UBE2D2: variants seen among roughly 807,000 people sequenced by gnomAD.
UBE2D2 encodes ubiquitin conjugating enzyme E2 D2.
In UBE2D2, 2 loss-of-function variants were observed where a neutral mutation model predicts 24.2. The observed-to-expected ratio is 0.08, with a 90% CI of 0.03 to 0.26. The LOEUF (loss-of-function observed/expected upper bound fraction) is 0.26. Among genes scored for constraint, UBE2D2 ranks in the 10% least tolerant of loss-of-function variants. UBE2D2 has a pLI of 1.00. For missense variants in UBE2D2, 44 were observed against 177.6 expected (o/e 0.25, Z 4.28); for synonymous variants, 58 against 56.5 (o/e 1.03, Z -0.12).
chr5:139,543,433 C>T (rs1381956594), intron 1 of UBE2D2, among the ~76,000 whole-genome samples: 1 of 152,158 alleles, frequency 6.6e-6, no homozygotes, highest in Non-Finnish European at 1.5e-5. Context: ...TTCCGTGGGC[C>T]CAGCTTCCCT....
chr5:139,545,220 G>T (rs1752810320), intron 1 of UBE2D2, among the ~76,000 whole-genome samples: 1 of 151,956 alleles, frequency 6.6e-6, no homozygotes, highest in African/African-American at 2.4e-5. Flanking sequence ...CCAATTGATG[G>T]ATAGATTGTC....
At chr5:139,543,384 C>A (rs1461281264) in intron 1 of UBE2D2, among the ~76,000 whole-genome samples, 1 of 152,196 alleles carries the variant, frequency 6.6e-6, no homozygotes, top group Non-Finnish European at 1.5e-5. Flanking sequence ...TCCTCCTTTC[C>A]CCGCTCCACT....
At chr5:139,543,569 C>T (rs538357250) in intron 1 of UBE2D2, among the ~76,000 whole-genome samples, 20 of 152,196 alleles carry the variant, frequency 1.3e-4, no homozygotes, top group Non-Finnish European at 1.3e-4. Flanking sequence ...CACGGGGGAC[C>T]GGACGGAGCC....
At chr5:139,550,181 C>G (rs917835069) in intron 1 of UBE2D2, among the ~76,000 whole-genome samples, 22 of 151,810 alleles carry the variant, frequency 1.4e-4, no homozygotes, top group Admixed American at 1.2e-3. Context: ...ACACACCAGT[C>G]AGCAGTCTGT....
At chr5:139,563,388 G>C (rs1004590893) in intron 1 of UBE2D2, among the ~76,000 whole-genome samples, 9 of 152,036 alleles carry the variant, frequency 5.9e-5, no homozygotes, top group Non-Finnish European at 1.2e-4. Flanking sequence ...AATGGTATTT[G>C]TTAAATACCA....
At chr5:139,539,225 A>G (rs1006014744) in intron 1 of UBE2D2, among the ~76,000 whole-genome samples, 1 of 151,912 alleles carries the variant, frequency 6.6e-6, no homozygotes, top group African/African-American at 2.4e-5. Context: ...GGGTTTCAAC[A>G]TGTTGGTCAG....
chr5:139,587,842 GCT>G (rs965491180), intron 1 of UBE2D2, among the ~76,000 whole-genome samples: 3 of 152,070 alleles, frequency 2.0e-5, no homozygotes, highest in African/African-American at 7.2e-5. Flanking sequence ...CTCCTGCTGT[GCT>G]CTCAGGCAGT....
chr5:139,605,346 A>G (rs1213004625), intron 2 of UBE2D2, among the ~76,000 whole-genome samples: 1 of 152,048 alleles, frequency 6.6e-6, no homozygotes, highest in Non-Finnish European at 1.5e-5. Context: ...TAATCCCAAC[A>G]CTTTGGGAGG....
intron 1 of UBE2D2, among the ~76,000 whole-genome samples, chr5:139,548,657 TCACACCACGAACTTTATA>T (rs1228456485): frequency 6.6e-6 from 1 of 152,102 alleles, no homozygotes; most frequent in Non-Finnish European, 1.5e-5. Context: ...AGCATTTCCT[TCACACCACGAACTTTATA>T]CACACCACTT....
intron 1 of UBE2D2, among the ~76,000 whole-genome samples, chr5:139,563,147 C>G (rs1753145840): frequency 6.6e-6 from 1 of 152,050 alleles, no homozygotes; most frequent in Admixed American, 6.6e-5. Flanking sequence ...GATGGGGATG[C>G]AAGAGGAAGA....
At chr5:139,543,481 C>T (rs569633540) in intron 1 of UBE2D2, among the ~76,000 whole-genome samples, 1 of 152,294 alleles carries the variant, frequency 6.6e-6, no homozygotes, top group African/African-American at 2.4e-5. Flanking sequence ...CGTCAGTAGG[C>T]GGGCTGCAGA....
intron 1 of UBE2D2, among the ~76,000 whole-genome samples, chr5:139,570,154 C>G (rs1351152123): frequency 1.3e-5 from 2 of 150,264 alleles, no homozygotes; most frequent in Admixed American, 1.3e-4. Flanking sequence ...GTAGTCCTAG[C>G]TACTCAGGAG....
At chr5:139,546,426 A>G (rs1273416636) in intron 1 of UBE2D2, among the ~76,000 whole-genome samples, 1 of 151,934 alleles carries the variant, frequency 6.6e-6, no homozygotes, top group Non-Finnish European at 1.5e-5. Context: ...CTCATGAACC[A>G]CTTGCCTCGG....
At chr5:139,551,115 C>T (rs577072924) in intron 1 of UBE2D2, among the ~76,000 whole-genome samples, 5 of 152,094 alleles carry the variant, frequency 3.3e-5, no homozygotes, top group Admixed American at 6.6e-5. Context: ...GAGATTGAGG[C>T]GGGTGGATTG....
chr5:139,576,943 C>CTTTTTT (rs11418234), intron 1 of UBE2D2, among the ~76,000 whole-genome samples: 1 of 91,766 alleles, frequency 1.1e-5, no homozygotes, highest in Non-Finnish European at 2.1e-5. Flanking sequence ...TGGATCTGGC[C>CTTTTTT]TTTTTTTTTT....
intron 1 of UBE2D2, among the ~76,000 whole-genome samples, chr5:139,551,634 CTG>C (rs1376199490): frequency 6.6e-6 from 1 of 152,166 alleles, no homozygotes; most frequent in Non-Finnish European, 1.5e-5. Context: ...ATGCTAGACA[CTG>C]GGGATTAAAA....
chr5:139,583,887 A>G (rs142916789), intron 1 of UBE2D2, among the ~76,000 whole-genome samples: 12 of 152,374 alleles, frequency 7.9e-5, no homozygotes, highest in African/African-American at 2.6e-4. Flanking sequence ...AGATGATATT[A>G]TGACAGTGGT....
intron 1 of UBE2D2, among the ~76,000 whole-genome samples, chr5:139,541,315 G>A (rs556261539): frequency 2.0e-5 from 3 of 146,622 alleles, no homozygotes; most frequent in African/African-American, 2.5e-5. Context: ...AAAAAAAAGC[G>A]GGGGGACCGG....
intron 2 of UBE2D2, among the ~76,000 whole-genome samples, chr5:139,602,011 G>A (rs527631387): frequency 6.6e-6 from 1 of 152,056 alleles, no homozygotes; most frequent in East Asian, 1.9e-4. Context: ...AGACCAAAAT[G>A]AGTACATGGT....
Sources: gnomAD v4.1 joint callset for allele counts (sites outside exome capture counted in the v4.1 genomes callset) on GRCh38, gnomAD v4.1.1 for gene constraint, MANE v1.5 for transcripts, NCBI Gene and HGNC (gene_info 2026-07-23, HGNC 2026-07-21) for gene names.